CHST9: variants seen among roughly 807,000 people sequenced by gnomAD.
The protein encoded by CHST9 is GalNAc-4-sulfotransferase 2.
Under a neutral mutation model 44.4 loss-of-function variants are expected in CHST9, and 41 were observed. The ratio of observed to expected loss-of-function variants is 0.92; its 90% CI spans 0.72 to 1.20. CHST9 has a LOEUF of 1.20. Among genes scored for constraint, CHST9 ranks in the 50% most tolerant of loss-of-function variants. The pLI is 0.00. For synonymous variants in CHST9, 171 were observed against 178.4 expected, an observed-to-expected ratio of 0.96 and a Z score of 0.33; for missense variants, 504 against 516.5, an observed-to-expected ratio of 0.98 and a Z score of 0.23.
chr18:27,029,790 T>C (rs2143488105), intron 3 of CHST9, among the ~76,000 whole-genome samples: 1 of 152,310 alleles, frequency 6.6e-6, no homozygotes, highest in South Asian at 2.1e-4. Flanking sequence ...CCCCCAAATA[T>C]TTTAAATCCA....
At chr18:27,114,029 T>G (rs2058298539) in intron 2 of CHST9, among the ~76,000 whole-genome samples, 2 of 152,214 alleles carry the variant, frequency 1.3e-5, no homozygotes, top group East Asian at 3.8e-4. Flanking sequence ...GTTGTTAATC[T>G]AAGTAATACT....
chr18:27,153,910 A>C (rs2058678856), intron 1 of CHST9, among the ~76,000 whole-genome samples: 1 of 152,128 alleles, frequency 6.6e-6, no homozygotes, highest in Admixed American at 6.6e-5. Context: ...TGTGAATAAG[A>C]AAGCATGTAG....
At chr18:27,059,497 A>G (rs1441379588) in intron 2 of CHST9, among the ~76,000 whole-genome samples, 1 of 152,220 alleles carries the variant, frequency 6.6e-6, no homozygotes, top group African/African-American at 2.4e-5. Context: ...GTATGAAGGC[A>G]ACAACGGGAA....
At chr18:27,053,200 ACAAGAAGAGGAGGAAGAG>A in intron 2 of CHST9, among the ~76,000 whole-genome samples, 1 of 106,888 alleles carries the variant, frequency 9.4e-6, no homozygotes, top group Admixed American at 9.8e-5. Context: ...AGAAGAAAGA[ACAAGAAGAGGAGGAAGAG>A]GAAGAAGAAG....
chr18:27,170,107 G>A lies in CHST9; in HGVS notation c.-97+15029C>T, dbSNP rs188132070. On this transcript the variant is annotated intron_variant, in intron 1 of 5. Transcript: ENST00000618847. ...TACCTCTTGAAGAGAGAGAATGAGA[G>A]GAGAACACAGAGGGTATGCTGAGAC... 3.9e-4 allele frequency among the ~76,000 whole-genome samples: 59 copies of A among 152,244 alleles called. No individual in the cohort carries two copies. In the East Asian group the frequency reaches 6.8e-3, roughly 17 times the overall value.
intron 5 of CHST9, among the ~76,000 whole-genome samples, chr18:26,939,686 TCAAGGCCATCCTG>T (rs1430028765): frequency 2.6e-5 from 4 of 152,124 alleles, no homozygotes; most frequent in Non-Finnish European, 2.9e-5. Flanking sequence ...CTGCTGTCCC[TCAAGGCCATCCTG>T]CACTAGAGGC....
intron 1 of CHST9, among the ~76,000 whole-genome samples, chr18:27,171,171 G>A (rs1390231578): frequency 6.6e-6 from 1 of 152,216 alleles, no homozygotes; most frequent in Non-Finnish European, 1.5e-5. Flanking sequence ...CCACACTGGA[G>A]CTGTAGGCTC....
intron 3 of CHST9, among the ~76,000 whole-genome samples, chr18:27,041,709 C>T (rs1044361408): frequency 1.3e-5 from 2 of 152,136 alleles, no homozygotes; most frequent in Admixed American, 1.3e-4. Context: ...ACACACACTC[C>T]TTTAAATGCA....
At chr18:27,074,028 T>C (rs1382842056) in intron 2 of CHST9, among the ~76,000 whole-genome samples, 2 of 152,268 alleles carry the variant, frequency 1.3e-5, no homozygotes, top group African/African-American at 4.8e-5. Flanking sequence ...CAGAACAACA[T>C]GTCTTACCTA....
In CHST9 at chr18:27,037,783, C is replaced by T. The variant is rs775519169; in HGVS notation, c.160+10682G>A. Among the ~76,000 whole-genome samples the T allele has an allele frequency of 4.6e-5, 7 of 151,276 alleles. No homozygotes were observed. The East Asian group carries it at 5.8e-4, about 13-fold the overall frequency. On this transcript the variant is annotated intron_variant, in intron 3 of 5. Transcript: ENST00000618847. The stretch of plus-strand genomic sequence containing the variant: ...CTTATTTTTGCCACTAATCATTATA[C>T]GTTATTTAAAAGCAAGAGATGATTA...
intron 1 of CHST9, among the ~76,000 whole-genome samples, chr18:27,172,926 G>A (rs1416008975): frequency 6.6e-6 from 1 of 151,858 alleles, no homozygotes; most frequent in East Asian, 1.9e-4. Flanking sequence ...CAATCTACTT[G>A]CTTTGATTAA....
chr18:26,993,778 T>G (rs2056852725), intron 4 of CHST9, among the ~76,000 whole-genome samples: 2 of 152,220 alleles, frequency 1.3e-5, no homozygotes, highest in African/African-American at 2.4e-5. Flanking sequence ...GAACTGAGAT[T>G]GCACAGAGAG....
At chr18:27,109,031 G>A (rs529502562) in intron 2 of CHST9, among the ~76,000 whole-genome samples, 38 of 152,278 alleles carry the variant, frequency 2.5e-4, no homozygotes, top group Non-Finnish European at 3.5e-4. Context: ...AAAATATCAC[G>A]TGACAACTCT....
chr18:26,937,016 T>A (rs1477224798), intron 5 of CHST9, among the ~76,000 whole-genome samples: 1 of 152,200 alleles, frequency 6.6e-6, no homozygotes, highest in African/African-American at 2.4e-5. Flanking sequence ...AGAAGTAACA[T>A]GCTTTTCTAA....
At chr18:27,066,709 C>T (rs907079323) in intron 2 of CHST9, among the ~76,000 whole-genome samples, 11 of 152,230 alleles carry the variant, frequency 7.2e-5, no homozygotes, top group East Asian at 1.9e-4. Flanking sequence ...GATATTTTAG[C>T]ATTTATAATT....
intron 1 of CHST9, among the ~76,000 whole-genome samples, chr18:27,179,595 G>A (rs2058895704): frequency 6.6e-6 from 1 of 151,954 alleles, no homozygotes; most frequent in Non-Finnish European, 1.5e-5. Context: ...TGTATATGGG[G>A]GAGGCAGCCC....
In CHST9 at chr18:27,000,897, C is replaced by G. The variant is rs80000276; in HGVS notation, c.202+23219G>C. Among the ~76,000 whole-genome samples the G allele has an allele frequency of 2.3e-3, 345 of 152,210 alleles. 5 individuals carry two copies. Among genetic ancestry groups the G allele is most frequent in the African/African-American group, 7.6e-3 (316 of 41,494 alleles). ...CTAACCATGCTCTCAAGATTCACCC[C>G]CCCATCTCTGAATTGTCTAATCACA... On this transcript the variant is annotated intron_variant, in intron 4 of 5. Coordinates refer to ENST00000618847, the MANE Select transcript of CHST9 (RefSeq NM_031422.6).
At chr18:27,041,021 A>C (rs1165413682) in intron 3 of CHST9, among the ~76,000 whole-genome samples, 1 of 152,164 alleles carries the variant, frequency 6.6e-6, no homozygotes, top group Non-Finnish European at 1.5e-5. Flanking sequence ...GTCATGTCAC[A>C]TAAGAGTGTA....
chr18:27,034,734 T>A (rs978801820), intron 3 of CHST9, among the ~76,000 whole-genome samples: 6 of 152,200 alleles, frequency 3.9e-5, no homozygotes, highest in African/African-American at 1.4e-4. Context: ...TTAGCTCAAA[T>A]GCCTCCTCCT....
Sources: gnomAD v4.1 joint callset for allele counts (sites outside exome capture counted in the v4.1 genomes callset) on GRCh38, gnomAD v4.1.1 for gene constraint, MANE v1.5 for transcripts, NCBI Gene and HGNC (gene_info 2026-07-23, HGNC 2026-07-21) for gene names.